AGAP1: variants seen among roughly 807,000 people sequenced by gnomAD.
The protein encoded by AGAP1 is arf-GAP with GTPase, ANK repeat and PH domain-containing protein 1.
A neutral mutation model predicts 105.3 loss-of-function variants in AGAP1; 29 were observed. The observed-to-expected ratio is 0.28, with a 90% CI of 0.21 to 0.38. AGAP1 has a LOEUF of 0.38. AGAP1 is among the 10% of genes least tolerant of loss of function. AGAP1 has a pLI of 1.00. For synonymous variants in AGAP1, 509 were observed against 485.9 expected (o/e 1.05, Z -0.63); for missense variants, 998 against 1,165.1 (o/e 0.86, Z 2.09).
intron 16 of AGAP1, among the ~76,000 whole-genome samples, chr2:236,102,567 G>A (rs1465343188): frequency 3.3e-5 from 5 of 149,698 alleles, no homozygotes; most frequent in East Asian, 1.9e-4. Context: ...CAGCCTGGGC[G>A]ACAGAGTGAG....
At chr2:235,693,032 C>T (rs115165749) in intron 1 of AGAP1, among the ~76,000 whole-genome samples, 5,314 of 152,252 alleles carry the variant, frequency 0.035, 123 homozygotes, top group Non-Finnish European at 0.054. Context: ...TCAGATTCCA[C>T]TTGCTGGCCT....
chr2:235,644,973 G>A (rs1947326217), intron 1 of AGAP1, among the ~76,000 whole-genome samples: 1 of 151,440 alleles, frequency 6.6e-6, no homozygotes, highest in Non-Finnish European at 1.5e-5. Flanking sequence ...TGGGCTCACT[G>A]CAACCTCCGC....
chr2:236,109,556 G>C lies in AGAP1; in HGVS notation c.2115-10636G>C, dbSNP rs1253500941. On this transcript the variant is annotated intron_variant, in intron 16 of 17. Coordinates refer to ENST00000304032, the MANE Select transcript of AGAP1 (RefSeq NM_001037131.3). The surrounding 1 kb of genome is among the most constrained non-coding windows in gnomAD (Gnocchi z 5.4). ...GATCAGCAGCCTTGGAAATGTCCTA[G>C]TCAGCGGCAGCGTCGGTGCTCTGGA... 6.6e-6 allele frequency among the ~76,000 whole-genome samples: 1 copy of C among 152,188 alleles called. No homozygotes were observed. Among genetic ancestry groups the C allele is most frequent in the Non-Finnish European group, 1.5e-5 (1 of 68,034 alleles).
In AGAP1 at chr2:236,095,101, A is replaced by C. The variant is rs529046185; in HGVS notation, c.2115-25091A>C. On this transcript the variant is annotated intron_variant, in intron 16 of 17. Transcript: ENST00000304032. This position sits in a 1 kb window ranked among gnomAD's most constrained non-coding sequence, Gnocchi z 4.1. ...GTGAGAGTGAGACACTGTCTCAAAA[A>C]AGTTGTGGGGGCAGGGCAGGCGTGG... is the stretch of plus-strand genomic sequence containing the variant. Among the ~76,000 whole-genome samples, 2 of 150,000 alleles carry C rather than the reference A, an allele frequency of 1.3e-5. No individual in the cohort carries two copies. The highest frequency in any genetic ancestry group is 2.1e-4 in the South Asian group (1 of 4,720).
intron 13 of AGAP1, among the ~76,000 whole-genome samples, chr2:236,034,664 A>C (rs2057325386): frequency 6.6e-6 from 1 of 152,166 alleles, no homozygotes; most frequent in Non-Finnish European, 1.5e-5. Flanking sequence ...CTCCCACTCC[A>C]GCCCGTATCG....
rs565866413 is a variant in AGAP1 at position 235,787,638 on chromosome 2, T to C, written c.674-10121T>C. ...TGCCTGGCATATACTAGTTGCTCAA[T>C]AAAAACAGTCAGTAAATGGGATGAG... On this transcript the variant is annotated intron_variant, in intron 6 of 17. Coordinates refer to ENST00000304032, the MANE Select transcript of AGAP1 (RefSeq NM_001037131.3). This position sits in a 1 kb window ranked among gnomAD's most constrained non-coding sequence, Gnocchi z 4.4. 2.0e-5 allele frequency among the ~76,000 whole-genome samples: 3 copies of C among 152,238 alleles called. No homozygotes were observed. The East Asian group carries it at 5.8e-4, about 29-fold the overall frequency.
In AGAP1 at chr2:235,934,394, C is replaced by T. The variant is rs1031028583; in HGVS notation, c.1483+3471C>T. Among the ~76,000 whole-genome samples, 1 of 152,172 alleles carries T rather than the reference C, an allele frequency of 6.6e-6. No homozygotes were observed. The highest frequency in any genetic ancestry group is 1.5e-5 in the Non-Finnish European group (1 of 68,034). On this transcript the variant is annotated intron_variant, in intron 12 of 17. Transcript: ENST00000304032. The surrounding 1 kb of genome is among the most constrained non-coding windows in gnomAD (Gnocchi z 4.9). ...TGCTGGACGCATCCTTGTCTGTCTG[C>T]GCCGAGGGTACCATCCCGGCGTCCC...
chr2:235,897,952 G>A (rs934662837), intron 10 of AGAP1, among the ~76,000 whole-genome samples: 5 of 152,134 alleles, frequency 3.3e-5, no homozygotes, highest in East Asian at 1.9e-4. Flanking sequence ...ATCAAGGTGC[G>A]ATTTATGTTC....
intron 6 of AGAP1, among the ~76,000 whole-genome samples, chr2:235,772,905 CTG>C (rs1448721836): frequency 6.6e-6 from 1 of 152,162 alleles, no homozygotes; most frequent in Non-Finnish European, 1.5e-5. Context: ...CGGGATGGCT[CTG>C]TTTGATTTTG....
chr2:235,702,883 G>C (rs1457744058), intron 1 of AGAP1, among the ~76,000 whole-genome samples: 5 of 144,082 alleles, frequency 3.5e-5, no homozygotes, highest in African/African-American at 1.3e-4. Flanking sequence ...AAGCCTTCTA[G>C]TTTGTTTTAC....
rs569508871 is a variant in AGAP1, at chr2:235,867,960, G to A, written c.1051-15385G>A. Reference sequence around the variant, plus strand: ...ACAGTTTTAATACATGTTTATAGGGGGAAAAATCTTAATTAGAATAATTAG... The same window carrying A: ...ACAGTTTTAATACATGTTTATAGGGAGAAAAATCTTAATTAGAATAATTAG... On this transcript the variant is annotated intron_variant, in intron 9 of 17. Transcript: ENST00000304032. The surrounding 1 kb of genome is among the most constrained non-coding windows in gnomAD (Gnocchi z 5.4). Among the ~76,000 whole-genome samples, 32 of 151,942 alleles carry A rather than the reference G, an allele frequency of 2.1e-4. No homozygotes were observed. The highest frequency in any genetic ancestry group is 4.3e-4 in the Non-Finnish European group (29 of 68,010).
chr2:235,670,936 G>C lies in AGAP1; in HGVS notation c.164-38243G>C, dbSNP rs768787965. ...TCTTCGCGCGCAGGGACGGGGGCCC[G>C]GGCGGCGGGCCCTCGCCACGGAGCG... On this transcript the variant is annotated intron_variant, in intron 1 of 17. Coordinates refer to ENST00000304032, the MANE Select transcript of AGAP1 (RefSeq NM_001037131.3). 25 of 1,320,680 alleles carry C rather than the reference G, an allele frequency of 1.9e-5. No individual in the cohort carries two copies. In the South Asian group the frequency reaches 4.6e-4, roughly 24 times the overall value. 81.8% of individuals were successfully genotyped at this position (1,320,680 alleles called of 1,614,324 possible).
In AGAP1 at chr2:236,095,257, C is replaced by A. The variant is rs144822154; in HGVS notation, c.2115-24935C>A. Among the ~76,000 whole-genome samples the A allele has an allele frequency of 4.9e-3, 720 of 148,146 alleles. 7 individuals carry two copies. Among genetic ancestry groups the A allele is most frequent in the African/African-American group, 0.017 (682 of 39,984 alleles). On this transcript the variant is annotated intron_variant, in intron 16 of 17. Transcript: ENST00000304032. The surrounding 1 kb of genome is among the most constrained non-coding windows in gnomAD (Gnocchi z 4.1). ...ACAAAAAAGTTAAAAATTAGCCAGG[C>A]GTGGTTGCATGCACCTGTGGTCCCA...
rs115197588 is a variant in AGAP1, at chr2:235,872,463, G to A, written c.1051-10882G>A. Among the ~76,000 whole-genome samples, 583 of 152,226 alleles carry A rather than the reference G, an allele frequency of 3.8e-3. 3 individuals are homozygous for A. Among genetic ancestry groups the A allele is most frequent in the Non-Finnish European group, 6.5e-3 (443 of 68,014 alleles). ...CACCATGCCGCTGGCCCTGGGTTAT[G>A]CAGAATCAAAAAGACTTAGGATCAC... is the stretch of plus-strand genomic sequence containing the variant. On this transcript the variant is annotated intron_variant, in intron 9 of 17. Transcript: ENST00000304032. This position sits in a 1 kb window ranked among gnomAD's most constrained non-coding sequence, Gnocchi z 4.5.
rs2149614092 is a variant in AGAP1, at chr2:235,732,192, A to C, written c.311-8771A>C. 6.6e-6 allele frequency among the ~76,000 whole-genome samples: 1 copy of C among 152,324 alleles called. No homozygotes were observed. The highest frequency in any genetic ancestry group is 1.5e-5 in the Non-Finnish European group (1 of 68,026). ...GTTCTTTTGTTGTGGATGTGTTGTC[A>C]GAGATACCATTTATCCTTTTGTTTA... is the stretch of plus-strand genomic sequence containing the variant. On this transcript the variant is annotated intron_variant, in intron 3 of 17. Transcript: ENST00000304032. This position sits in a 1 kb window ranked among gnomAD's most constrained non-coding sequence, Gnocchi z 4.8.
At chr2:235,524,095 C>T (rs1185843121) in intron 1 of AGAP1, among the ~76,000 whole-genome samples, 2 of 152,230 alleles carry the variant, frequency 1.3e-5, no homozygotes, top group Non-Finnish European at 1.5e-5. Flanking sequence ...GTGGAAAGGG[C>T]TGTGTCACTG....
chr2:236,018,911 T>C (rs186058873), intron 13 of AGAP1, among the ~76,000 whole-genome samples: 3 of 152,318 alleles, frequency 2.0e-5, no homozygotes, highest in African/African-American at 4.8e-5. Flanking sequence ...ATTCCAAGCA[T>C]AGGCATTGCC....
chr2:235,865,650 A>G lies in AGAP1; in HGVS notation c.1051-17695A>G, dbSNP rs2049132638. Among the ~76,000 whole-genome samples, 1 of 152,166 alleles carries G rather than the reference A, an allele frequency of 6.6e-6. No homozygotes were observed. On this transcript the variant is annotated intron_variant, in intron 9 of 17. Transcript: ENST00000304032. The surrounding 1 kb of genome is among the most constrained non-coding windows in gnomAD (Gnocchi z 6.2). ...CAGAAAAGCCTCCATTTGTAAAATAATAGGTGCTCTGGAGGAGGGGCAGGG... is the reference window on the plus strand; with the variant it reads ...CAGAAAAGCCTCCATTTGTAAAATAGTAGGTGCTCTGGAGGAGGGGCAGGG...
intron 1 of AGAP1, among the ~76,000 whole-genome samples, chr2:235,531,186 C>T (rs1943032997): frequency 6.6e-6 from 1 of 152,204 alleles, no homozygotes; most frequent in African/African-American, 2.4e-5. Context: ...TACCTCTGGG[C>T]TCTTGTTCAT....
Sources: gnomAD v4.1 joint callset for allele counts (sites outside exome capture counted in the v4.1 genomes callset) on GRCh38, gnomAD v4.1.1 for gene constraint, Gnocchi (gnomAD v3.1) non-coding constraint, MANE v1.5 for transcripts, NCBI Gene and HGNC (gene_info 2026-07-23, HGNC 2026-07-21) for gene names.